The following NUP58 variants were observed in gnomAD, a reference collection of about 807,000 sequenced individuals.
The protein encoded by NUP58 is nucleoporin 58.
In NUP58, 17 loss-of-function variants were observed where a neutral mutation model predicts 70.1. The ratio of observed to expected loss-of-function variants is 0.24; its 90% CI spans 0.17 to 0.36. The LOEUF (loss-of-function observed/expected upper bound fraction) is 0.36, where lower values mean the gene tolerates loss of function less well. NUP58 is among the 10% of genes least tolerant of loss of function. The probability of loss-of-function intolerance (pLI) is 1.00; values close to 1 mark genes in which losing one functional copy is unlikely to be tolerated. For synonymous variants in NUP58, 275 were observed against 257.6 expected (o/e 1.07, Z -0.65); for missense variants, 644 against 701.5 (o/e 0.92, Z 0.93).
intron 6 of NUP58, among the ~76,000 whole-genome samples, chr13:25,316,817 C>T (rs1250733234): frequency 8.5e-4 from 129 of 152,094 alleles, no homozygotes; most frequent in Non-Finnish European, 1.0e-4. Flanking sequence ...TCTGCCCCTC[C>T]CCACATCTTC....
At chr13:25,302,351 T>TGAA (rs1452617384) in intron 1 of NUP58, among the ~76,000 whole-genome samples, 1 of 152,252 alleles carries the variant, frequency 6.6e-6, no homozygotes, top group Non-Finnish European at 1.5e-5. Flanking sequence ...TTTAACCAGC[T>TGAA]TTTCAAGCTT....
chr13:25,301,737 A>G lies in NUP58; in HGVS notation c.-37A>G, dbSNP rs1264439746. 7.3e-7 allele frequency: 1 copy of G among 1,367,648 alleles called. No homozygotes were observed. Among genetic ancestry groups the G allele is most frequent in the South Asian group, 1.2e-5 (1 of 80,736 alleles). The allele number at this position is 1,367,648 out of a possible 1,614,324, so 84.7% of individuals were successfully genotyped here. On this transcript the variant is annotated 5_prime_UTR_variant, in exon 1 of 16. Transcript: ENST00000381736. ...GAGGCGAGAGAAGTGTCCCAGACCC[A>G]TTTCGCCTTGCTGACGGCGTCGAGC...
intron 1 of NUP58, among the ~76,000 whole-genome samples, chr13:25,306,996 A>C (rs957342999): frequency 6.6e-6 from 1 of 152,116 alleles, no homozygotes; most frequent in East Asian, 1.9e-4. Flanking sequence ...ACCTAAGTCT[A>C]TACTCTCCCC....
At chr13:25,333,968 C>T (rs1035451710) in intron 13 of NUP58, 3 of 985,200 alleles carry the variant, frequency 3.0e-6, no homozygotes, top group South Asian at 4.7e-5. Context: ...AGACTGCTGC[C>T]TTCTGAAGGT....
At chr13:25,327,307 G>A (rs576390997) in intron 11 of NUP58, 123 bp from the exon 12 acceptor site, 52 of 602,486 alleles carry the variant, frequency 8.6e-5, no homozygotes, top group East Asian at 3.5e-4. Flanking sequence ...CCATGAGAAC[G>A]TTGATAGAGT....
chr13:25,327,659 C>A, intron 12 of NUP58, 147 bp downstream of exon 12: 3 of 525,000 alleles, frequency 5.7e-6, no homozygotes, highest in South Asian at 3.3e-5. Flanking sequence ...CATAACATAC[C>A]CAGACATAAC....
Position 25,340,325 on chromosome 13 carries a change from C to T in NUP58, c.*191C>T, listed in dbSNP as rs1400749893. ...CTTTTTTCTTGTGGAATTTAAAGTC[C>T]AGCTGTGTTTTCTTTTTAATTTGAT... On this transcript the variant is annotated 3_prime_UTR_variant, in exon 16 of 16. Coordinates refer to ENST00000381736, the MANE Select transcript of NUP58 (RefSeq NM_014089.4). 4 of 500,562 alleles carry T rather than the reference C, an allele frequency of 8.0e-6. No individual in the cohort carries two copies. The East Asian group carries it at 1.1e-4, about 14-fold the overall frequency. The allele number at this position is 500,562 out of a possible 1,614,324, so 31.0% of individuals were successfully genotyped here.
At chr13:25,325,546 A>G (rs74669699) in intron 10 of NUP58, among the ~76,000 whole-genome samples, 3,977 of 152,296 alleles carry the variant, frequency 0.026, 169 homozygotes, top group African/African-American at 0.09. Context: ...TGATGAAGAT[A>G]ATAATAACTG....
At chr13:25,326,709 T>C (rs2031409261) in intron 10 of NUP58, among the ~76,000 whole-genome samples, 1 of 152,184 alleles carries the variant, frequency 6.6e-6, no homozygotes, top group Non-Finnish European at 1.5e-5. Context: ...ACTAGTGTAC[T>C]TCTGTTTCAG....
intron 1 of NUP58, among the ~76,000 whole-genome samples, chr13:25,307,116 G>A (rs1189214563): frequency 6.6e-6 from 1 of 151,556 alleles, no homozygotes; most frequent in East Asian, 1.9e-4. Context: ...TTCAAACATT[G>A]GTGAAAGCAG....
intron 15 of NUP58, among the ~76,000 whole-genome samples, chr13:25,339,587 G>A (rs2031893437): frequency 6.6e-6 from 1 of 152,158 alleles, no homozygotes; most frequent in Non-Finnish European, 1.5e-5. Context: ...GGGATTGCAA[G>A]GGTAGGTCCA....
intron 10 of NUP58, among the ~76,000 whole-genome samples, chr13:25,326,031 A>G (rs1474819686): frequency 2.0e-5 from 3 of 152,102 alleles, no homozygotes; most frequent in East Asian, 3.8e-4. Context: ...TTCTCCCCCA[A>G]ACAGTTTGGG....
chr13:25,341,367 C>G lies in NUP58; in HGVS notation c.*1233C>G, dbSNP rs1338450009. ...CAAAGAGCTATTAGCCAAACTGATT[C>G]TATGCAGGTGAAGGATGCACTAAAG... On this transcript the variant is annotated 3_prime_UTR_variant, in exon 16 of 16. Coordinates refer to ENST00000381736, the MANE Select transcript of NUP58 (RefSeq NM_014089.4). The G allele has an allele frequency of 3.3e-5, 5 of 152,484 alleles. No individual in the cohort carries two copies. The highest frequency in any genetic ancestry group is 7.4e-5 in the Non-Finnish European group (5 of 68,024). The allele number at this position is 152,484 out of a possible 1,614,324, so 9.4% of individuals were successfully genotyped here.
At chr13:25,335,122 G>A (rs992986642) in intron 13 of NUP58, 1 of 985,108 alleles carries the variant, frequency 1.0e-6, no homozygotes, top group African/African-American at 1.7e-5. Flanking sequence ...TTGCCTACGA[G>A]TTTTATAAAT....
intron 1 of NUP58, among the ~76,000 whole-genome samples, chr13:25,305,304 C>T (rs755508626): frequency 6.6e-6 from 1 of 151,722 alleles, no homozygotes; most frequent in Non-Finnish European, 1.5e-5. Flanking sequence ...TGCATTGGCA[C>T]GCCTGGCTAA....
intron 13 of NUP58, chr13:25,333,509 C>T (rs903407513): frequency 1.2e-5 from 12 of 985,210 alleles, no homozygotes; most frequent in Admixed American, 6.2e-5. Context: ...AACAACCTTA[C>T]AGTGTTTTCG....
intron 2 of NUP58, chr13:25,308,234 C>G (rs1156404180): frequency 1.3e-5 from 3 of 236,542 alleles, no homozygotes; most frequent in African/African-American, 6.7e-5. Flanking sequence ...TGGTTTAAGC[C>G]AGCTTTATCA....
At chr13:25,347,620 T>TA (rs1325165263) in intron 3 of NUP58, among the ~76,000 whole-genome samples, 1 of 152,360 alleles carries the variant, frequency 6.6e-6, no homozygotes, top group Admixed American at 6.5e-5. Flanking sequence ...CTAATTCAGC[T>TA]ATGCATCTAA....
At chr13:25,338,063 A>G (rs1593202251) in intron 14 of NUP58, among the ~76,000 whole-genome samples, 2 of 152,058 alleles carry the variant, frequency 1.3e-5, no homozygotes, top group African/African-American at 4.8e-5. Flanking sequence ...CTCACCACCA[A>G]TTTTTCACTG....
Sources: gnomAD v4.1 joint callset for allele counts (sites outside exome capture counted in the v4.1 genomes callset) on GRCh38, gnomAD v4.1.1 for gene constraint, MANE v1.5 for transcripts, NCBI Gene and HGNC (gene_info 2026-07-23, HGNC 2026-07-21) for gene names.